The following RNF144B variants were observed in gnomAD, a reference collection of about 807,000 sequenced individuals.
RNF144B encodes E3 ubiquitin-protein ligase RNF144B.
RNF144B carries 25 observed loss-of-function variants against 40.2 expected under a neutral mutation model. That is an observed-to-expected ratio of 0.62 (90% CI 0.45 to 0.87). The LOEUF is 0.87. Among genes scored for constraint, RNF144B ranks in the 40% least tolerant of loss-of-function variants. The pLI is 0.00. For missense variants in RNF144B, 365 were observed against 373.7 expected (o/e 0.98, Z 0.19); for synonymous variants, 145 against 136.3 (o/e 1.06, Z -0.44).
Position 18,419,383 on chromosome 6 carries a change from G to A in RNF144B, c.166-8198G>A, listed in dbSNP as rs971678072. Among the ~76,000 whole-genome samples, 1 of 152,122 alleles carries A rather than the reference G, an allele frequency of 6.6e-6. No homozygotes were observed. Among genetic ancestry groups the A allele is most frequent in the Non-Finnish European group, 1.5e-5 (1 of 68,028 alleles). On this transcript the variant is annotated intron_variant, in intron 2 of 7. Coordinates refer to ENST00000259939, the MANE Select transcript of RNF144B (RefSeq NM_182757.4). This position sits in a 1 kb window ranked among gnomAD's most constrained non-coding sequence, Gnocchi z 4.6. ...GATATATTCTCCTGAGAGCAAATAG[G>A]CAGTGGACTAGCACAACTGGTTCTA...
chr6:18,468,841 T>C lies in RNF144B; in HGVS notation c.*3774T>C, dbSNP rs1257888203. ...TGGAGAAGAAAATAGCTGTTTAGGC[T>C]CTCTAGCCACAATAAATGTAAGCAG... On this transcript the variant is annotated 3_prime_UTR_variant, in exon 8 of 8. Coordinates refer to ENST00000259939, the MANE Select transcript of RNF144B (RefSeq NM_182757.4). The C allele has an allele frequency of 6.6e-6, 1 of 152,224 alleles. No homozygotes were observed. The highest frequency in any genetic ancestry group is 1.5e-5 in the Non-Finnish European group (1 of 68,042). 9.4% of individuals were successfully genotyped at this position (152,224 alleles called of 1,614,324 possible).
At chr6:18,403,294 A>C (rs575045806) in intron 2 of RNF144B, among the ~76,000 whole-genome samples, 1 of 152,308 alleles carries the variant, frequency 6.6e-6, no homozygotes, top group East Asian at 1.9e-4. Context: ...TTTGCTTCTG[A>C]TTTATTTTAG....
chr6:18,439,574 A>G (rs1758909016), intron 3 of RNF144B, 110 bp from the exon 4 acceptor site: 3 of 747,920 alleles, frequency 4.0e-6, no homozygotes, highest in African/African-American at 1.8e-5. Context: ...TTTGCAAACA[A>G]TTGGTGTAGA....
In RNF144B at chr6:18,451,326, T is replaced by A. The variant is rs115975433; in HGVS notation, c.332-5829T>A. 3.7e-3 allele frequency among the ~76,000 whole-genome samples: 562 copies of A among 152,326 alleles called. 7 individuals are homozygous for A. Among genetic ancestry groups the A allele is most frequent in the African/African-American group, 0.013 (526 of 41,578 alleles). ...GAATAAACAATGAATAATAGACATG[T>A]GTCTAATTTTCAGTCTTATTGTCAT... On this transcript the variant is annotated intron_variant, in intron 4 of 7. Coordinates refer to ENST00000259939, the MANE Select transcript of RNF144B (RefSeq NM_182757.4).
At position 18,422,331 on chromosome 6, in the gene RNF144B, T is replaced by G. The variant is rs996878702; in HGVS notation, c.166-5250T>G. Among the ~76,000 whole-genome samples, 3 of 152,188 alleles carry G rather than the reference T, an allele frequency of 2.0e-5. No individual in the cohort carries two copies. Among genetic ancestry groups the G allele is most frequent in the Non-Finnish European group, 4.4e-5 (3 of 68,028 alleles). On this transcript the variant is annotated intron_variant, in intron 2 of 7. Coordinates refer to ENST00000259939, the MANE Select transcript of RNF144B (RefSeq NM_182757.4). The surrounding 1 kb of genome is among the most constrained non-coding windows in gnomAD (Gnocchi z 4.7). ...GCAGAATGTTGTTCTCAGTGTGAGATGTTATTTAGAACACACTGGAAACAT... is the reference window on the plus strand; with the variant it reads ...GCAGAATGTTGTTCTCAGTGTGAGAGGTTATTTAGAACACACTGGAAACAT...
At chr6:18,390,611 A>G (rs1794560332) in intron 1 of RNF144B, among the ~76,000 whole-genome samples, 1 of 152,196 alleles carries the variant, frequency 6.6e-6, no homozygotes, top group Non-Finnish European at 1.5e-5. Flanking sequence ...GCCATGTCCC[A>G]TTGTTTTCTA....
rs749064206 is a variant in RNF144B at position 18,456,968 on chromosome 6, A to G, written c.332-187A>G. 5.9e-5 allele frequency among the ~76,000 whole-genome samples: 9 copies of G among 152,228 alleles called. No individual in the cohort carries two copies. Among genetic ancestry groups the G allele is most frequent in the Non-Finnish European group, 1.2e-4 (8 of 68,032 alleles). On this transcript the variant is annotated intron_variant, in intron 4 of 7. Transcript: ENST00000259939. This position sits in a 1 kb window ranked among gnomAD's most constrained non-coding sequence, Gnocchi z 4.7. ...TCCCAGCTACTCGGGAGGCTGAGGC[A>G]GAAGAATCGGTTGAACCCAGGAGGG...
chr6:18,393,930 C>A (rs1794638215), intron 1 of RNF144B, among the ~76,000 whole-genome samples: 2 of 152,150 alleles, frequency 1.3e-5, no homozygotes, highest in African/African-American at 4.8e-5. Context: ...CATATGTCTC[C>A]TCTTCTGTTT....
At position 18,442,645 on chromosome 6, in the gene RNF144B, C is replaced by G. The variant is rs1387224418; in HGVS notation, c.331+2901C>G. On this transcript the variant is annotated intron_variant, in intron 4 of 7. Transcript: ENST00000259939. This position sits in a 1 kb window ranked among gnomAD's most constrained non-coding sequence, Gnocchi z 4.3. ...TCATACAGTTGTGCAGCCATCACCA[C>G]TGCTTCTAAAGCTCTTTCATGATCC... is the stretch of plus-strand genomic sequence containing the variant. 6.6e-6 allele frequency among the ~76,000 whole-genome samples: 1 copy of G among 152,214 alleles called. No individual in the cohort carries two copies. Among genetic ancestry groups the G allele is most frequent in the African/African-American group, 2.4e-5 (1 of 41,450 alleles).
intron 1 of RNF144B, among the ~76,000 whole-genome samples, chr6:18,397,018 A>G (rs560631103): frequency 1.3e-5 from 2 of 152,318 alleles, no homozygotes; most frequent in South Asian, 2.1e-4. Context: ...TGTCTTCCAC[A>G]TGGAAACTAA....
intron 2 of RNF144B, among the ~76,000 whole-genome samples, chr6:18,411,481 A>ATTTTTTTTTT (rs1795036839): frequency 3.6e-5 from 1 of 27,908 alleles, no homozygotes; most frequent in Non-Finnish European, 8.6e-5. Flanking sequence ...ATATATATAT[A>ATTTTTTTTTT]TATATATATA....
At chr6:18,439,110 T>C (rs778406785) in intron 3 of RNF144B, among the ~76,000 whole-genome samples, 31 of 152,144 alleles carry the variant, frequency 2.0e-4, no homozygotes, top group Non-Finnish European at 2.9e-4. Context: ...GCAAGAAATA[T>C]TTTAGGCATT....
At chr6:18,407,984 C>CTTTTTTTT (rs370801682) in intron 2 of RNF144B, among the ~76,000 whole-genome samples, 1 of 133,600 alleles carries the variant, frequency 7.5e-6, no homozygotes, top group Admixed American at 7.7e-5. Flanking sequence ...CTTTCTTTTT[C>CTTTTTTTT]TTTTTTTTTT....
At chr6:18,389,667 A>C (rs1039505916) in intron 1 of RNF144B, among the ~76,000 whole-genome samples, 1 of 152,172 alleles carries the variant, frequency 6.6e-6, no homozygotes, top group African/African-American at 2.4e-5. Flanking sequence ...AATCATGCTG[A>C]ACCCAGATGT....
At position 18,405,336 on chromosome 6, in the gene RNF144B, A is replaced by C. The variant is rs1794881477; in HGVS notation, c.165+5637A>C. Among the ~76,000 whole-genome samples, 1 of 151,632 alleles carries C rather than the reference A, an allele frequency of 6.6e-6. No homozygotes were observed. The highest frequency in any genetic ancestry group is 2.1e-4 in the South Asian group (1 of 4,782). On this transcript the variant is annotated intron_variant, in intron 2 of 7. Coordinates refer to ENST00000259939, the MANE Select transcript of RNF144B (RefSeq NM_182757.4). This position sits in a 1 kb window ranked among gnomAD's most constrained non-coding sequence, Gnocchi z 4.5. ...TTACAGGCATGTGCCACCAGGCCTGACTAATTTTTTTTGTATTTTTAGTTG... is the reference window on the plus strand; with the variant it reads ...TTACAGGCATGTGCCACCAGGCCTGCCTAATTTTTTTTGTATTTTTAGTTG...
intron 4 of RNF144B, among the ~76,000 whole-genome samples, chr6:18,440,349 C>A (rs997590230): frequency 1.3e-5 from 2 of 152,000 alleles, no homozygotes; most frequent in African/African-American, 4.8e-5. Context: ...GGAGACCTTT[C>A]CCTCTTGTCA....
Position 18,457,496 on chromosome 6 carries a change from T to A in RNF144B, c.536+137T>A. The stretch of plus-strand genomic sequence containing the variant: ...TCCTGCAGAACTTCCCTGAGAAGTG[T>A]CTCAGAATTGGTAAGTTGCCAACAA... On this transcript the variant is annotated intron_variant, in intron 5 of 7. Transcript: ENST00000259939. This position sits in a 1 kb window ranked among gnomAD's most constrained non-coding sequence, Gnocchi z 5.1. 1 of 702,202 alleles carries A rather than the reference T, an allele frequency of 1.4e-6. No homozygotes were observed. The highest frequency in any genetic ancestry group is 2.5e-6 in the Non-Finnish European group (1 of 401,232). 43.5% of individuals were successfully genotyped at this position (702,202 alleles called of 1,614,324 possible).
At chr6:18,440,483 G>A (rs557803459) in intron 4 of RNF144B, among the ~76,000 whole-genome samples, 1 of 151,964 alleles carries the variant, frequency 6.6e-6, no homozygotes, top group Non-Finnish European at 1.5e-5. Context: ...CTTGAATCTA[G>A]CCTGAACATA....
chr6:18,466,596 C>T lies in RNF144B; in HGVS notation c.*1529C>T, dbSNP rs886631912. ...CTATTGGCAATGTAGCCTGGTGCTT[C>T]ATGAGACCTATGCTAAATGTTACTG... is the stretch of plus-strand genomic sequence containing the variant. On this transcript the variant is annotated 3_prime_UTR_variant, in exon 8 of 8. Coordinates refer to ENST00000259939, the MANE Select transcript of RNF144B (RefSeq NM_182757.4). The T allele has an allele frequency of 1.3e-5, 2 of 152,616 alleles. No homozygotes were observed. Among genetic ancestry groups the T allele is most frequent in the Middle Eastern group, 3.2e-3 (1 of 316 alleles). The allele number at this position is 152,616 out of a possible 1,614,324, so 9.5% of individuals were successfully genotyped here.
Sources: gnomAD v4.1 joint callset for allele counts (sites outside exome capture counted in the v4.1 genomes callset) on GRCh38, gnomAD v4.1.1 for gene constraint, Gnocchi (gnomAD v3.1) non-coding constraint, MANE v1.5 for transcripts, NCBI Gene and HGNC (gene_info 2026-07-23, HGNC 2026-07-21) for gene names.